DDIT3: variants seen among roughly 807,000 people sequenced by gnomAD.
The protein encoded by DDIT3 is DNA damage-inducible transcript 3 protein.
DDIT3 carries 14 observed loss-of-function variants against 17.6 expected under a neutral mutation model. The observed-to-expected ratio is 0.80, with a 90% CI of 0.53 to 1.25. The LOEUF (loss-of-function observed/expected upper bound fraction) is 1.25, where lower values mean the gene tolerates loss of function less well. Among genes scored for constraint, DDIT3 ranks in the 50% most tolerant of loss-of-function variants. The pLI is 0.00. For synonymous variants in DDIT3, 93 were observed against 76.5 expected (o/e 1.22, Z -1.13); for missense variants, 216 against 202.7 (o/e 1.07, Z -0.40).
chr12:57,519,127 G>A (rs759367334), intron 1 of DDIT3: 2 of 532,656 alleles, frequency 3.8e-6, no homozygotes, highest in South Asian at 1.4e-5. Flanking sequence ...CCACCCCTCC[G>A]CAACTCTATT....
chr12:57,520,187 C>A (rs887188520), intron 1 of DDIT3, among the ~76,000 whole-genome samples: 1 of 152,214 alleles, frequency 6.6e-6, no homozygotes, highest in African/African-American at 2.4e-5. Context: ...GGTCCCTTTG[C>A]CCAGCAGCAC....
intron 1 of DDIT3, 58 bp downstream of exon 1, chr12:57,520,360 G>A (rs1248184855): frequency 1.0e-5 from 4 of 398,426 alleles, no homozygotes; most frequent in Non-Finnish European, 1.8e-5. Context: ...CCTAAAGAGC[G>A]GACGCCCCAA....
rs374321661 is a variant in DDIT3 at position 57,519,192 on chromosome 12, C to T, written c.-81+1226G>A. 7.5e-6 allele frequency: 4 copies of T among 533,314 alleles called. No individual in the cohort carries two copies. The African/African-American group carries it at 7.7e-5, about 10-fold the overall frequency. 33.0% of individuals were successfully genotyped at this position (533,314 alleles called of 1,614,324 possible). On this transcript the variant is annotated intron_variant, in intron 1 of 3. Transcript: ENST00000346473. ...AAAACAGGTCATTCCTCTGCTCAAACCCTCCAATGACTTCCTATTTCATGT... is the reference window on the plus strand; with the variant it reads ...AAAACAGGTCATTCCTCTGCTCAAATCCTCCAATGACTTCCTATTTCATGT...
intron 3 of DDIT3, 32 bp from the exon 4 acceptor site, chr12:57,517,212 ATTAG>A: frequency 6.2e-7 from 1 of 1,611,012 alleles, no homozygotes; most frequent in Non-Finnish European, 8.5e-7. Context: ...GAACATAGAT[ATTAG>A]TTGAGAAGGG....
chr12:57,517,957 G>C (rs928707196), intron 1 of DDIT3, among the ~76,000 whole-genome samples: 1 of 152,006 alleles, frequency 6.6e-6, no homozygotes, highest in African/African-American at 2.4e-5. Context: ...CTCCCGAGTA[G>C]CTGGGACTAC....
chr12:57,518,160 A>C (rs1006537065), intron 1 of DDIT3, among the ~76,000 whole-genome samples: 10 of 151,670 alleles, frequency 6.6e-5, no homozygotes, highest in South Asian at 2.1e-4. Flanking sequence ...GTCCTTCCTT[A>C]CTTCTGGTCT....
chr12:57,520,353 A>T (rs1878216179), intron 1 of DDIT3, 65 bp downstream of exon 1: 1 of 398,436 alleles, frequency 2.5e-6, no homozygotes, highest in East Asian at 3.6e-5. Flanking sequence ...GGCCGATCCT[A>T]AAGAGCGGAC....
At chr12:57,520,157 A>T (rs1381808133) in intron 1 of DDIT3, among the ~76,000 whole-genome samples, 1 of 152,188 alleles carries the variant, frequency 6.6e-6, no homozygotes, top group Non-Finnish European at 1.5e-5. Context: ...GGAAAGAATG[A>T]ATTTCCCAAG....
At chr12:57,519,820 C>G (rs1191482878) in intron 1 of DDIT3, among the ~76,000 whole-genome samples, 2 of 152,230 alleles carry the variant, frequency 1.3e-5, no homozygotes, top group Non-Finnish European at 2.9e-5. Context: ...CCAGGCTGCT[C>G]TCTTGTGCAG....
In DDIT3 at chr12:57,517,361, A is replaced by G; in HGVS notation, c.46T>C (p.Trp16Arg). Reference protein sequence around the residue: ...LPFSFGTLSSWELEAWYEDLQ... With the variant: ...LPFSFGTLSSRELEAWYEDLQ... ...TCCTCATACCAGGCTTCCAGCTCCCAGCTGGACAGTGTCCCGAAGGAGAAA... is the reference window on the plus strand; with the variant it reads ...TCCTCATACCAGGCTTCCAGCTCCCGGCTGGACAGTGTCCCGAAGGAGAAA... The change falls in exon 3 of 4, where the codon TGG becomes CGG. Residue 16 changes from tryptophan to arginine, a missense_variant. Coordinates refer to ENST00000346473, the MANE Select transcript of DDIT3 (RefSeq NM_004083.6). 6.2e-7 allele frequency: 1 copy of G among 1,613,554 alleles called. No homozygotes were observed. Among genetic ancestry groups the G allele is most frequent in the African/African-American group, 1.3e-5 (1 of 75,064 alleles).
chr12:57,519,890 C>A (rs1878166631), intron 1 of DDIT3, among the ~76,000 whole-genome samples: 1 of 152,240 alleles, frequency 6.6e-6, no homozygotes, highest in Non-Finnish European at 1.5e-5. Context: ...ATCGGCACCC[C>A]TCCCAAAGGC....
chr12:57,518,694 C>A (rs1029797149), intron 1 of DDIT3, among the ~76,000 whole-genome samples: 2 of 152,160 alleles, frequency 1.3e-5, no homozygotes, highest in African/African-American at 4.8e-5. Flanking sequence ...GGGTCTCACT[C>A]TTTTTGCCCA....
At chr12:57,518,694 CT>C (rs1307755899) in intron 1 of DDIT3, among the ~76,000 whole-genome samples, 1 of 152,160 alleles carries the variant, frequency 6.6e-6, no homozygotes, top group Admixed American at 6.5e-5. Context: ...GGGTCTCACT[CT>C]TTTTGCCCAG....
chr12:57,519,047 A>G (rs545251170), intron 1 of DDIT3: 1 of 524,172 alleles, frequency 1.9e-6, no homozygotes, highest in Non-Finnish European at 3.9e-6. Flanking sequence ...AATCTAGATC[A>G]ATTCACTACC....
rs760924937 is a variant in DDIT3, at chr12:57,516,616, T to C, written c.*193A>G. ...GCTCATAGAAAGTCACTTTAATAGA[T>C]AGGGACAGTAATAAATAAATGTACA... On this transcript the variant is annotated 3_prime_UTR_variant, in exon 4 of 4. Coordinates refer to ENST00000346473, the MANE Select transcript of DDIT3 (RefSeq NM_004083.6). 19 of 1,545,996 alleles carry C rather than the reference T, an allele frequency of 1.2e-5. No homozygotes were observed. The highest frequency in any genetic ancestry group is 6.6e-5 in the Admixed American group (3 of 45,514).
intron 1 of DDIT3, chr12:57,519,335 T>G (rs1442824090): frequency 2.5e-6 from 1 of 403,616 alleles, no homozygotes; most frequent in Non-Finnish European, 5.0e-6. Flanking sequence ...TGCTTTAGCT[T>G]TCTCCGTGGC....
chr12:57,517,117 G>C lies in DDIT3; in HGVS notation c.202C>G (p.Pro68Ala), dbSNP rs1297110564. 3 of 1,613,412 alleles carry C rather than the reference G, an allele frequency of 1.9e-6. No homozygotes were observed. The highest frequency in any genetic ancestry group is 2.5e-6 in the Non-Finnish European group (3 of 1,179,596). Residue 68 changes from proline to alanine, a missense_variant, in exon 4 of 4, where the codon CCA becomes GCA. Transcript: ENST00000346473. ...GTGCTTGTGACCTCTGCTGGTTCTG[G>C]CTCCTCCTCAGTCAGCCAAGCCAGA... ...ASLAWLTEEE[P>A]EPAEVTSTSQ...
At chr12:57,517,854 G>A (rs1877991910) in intron 1 of DDIT3, 101 bp from the exon 2 acceptor site, 1 of 425,050 alleles carries the variant, frequency 2.4e-6, no homozygotes, top group African/African-American at 2.1e-5. Flanking sequence ...TTGAGACCAA[G>A]TCTTGCTCTG....
At position 57,517,048 on chromosome 12, in the gene DDIT3, C is replaced by A. The variant is rs887875132; in HGVS notation, c.271G>T (p.Ala91Ser). The A allele has an allele frequency of 6.2e-7, 1 of 1,614,144 alleles. No individual in the cohort carries two copies. Among genetic ancestry groups the A allele is most frequent in the Non-Finnish European group, 8.5e-7 (1 of 1,180,024 alleles). The change falls in exon 4 of 4, where the codon GCT becomes TCT. Residue 91 changes from alanine to serine, a missense_variant. Ala to Ser is a moderately conservative substitution (Grantham distance 99). Transcript: ENST00000346473. ...TGGTCTTCCTCCTCTTCCTCCTGAG[C>A]CAGGGAGCTCTGACTGGAATCTGGA... ...HSPDSSQSSL[A>S]QEEEEEDQGR... is the part of the protein sequence containing the mutation.
Sources: allele counts gnomAD v4.1 joint callset (sites outside exome capture counted in the v4.1 genomes callset), GRCh38; gene constraint gnomAD v4.1.1; transcripts MANE v1.5; gene names NCBI Gene and HGNC (gene_info 2026-07-23, HGNC 2026-07-21).